Variants in VPS9D1 observed in about 807,000 individuals in gnomAD.
VPS9D1 encodes the protein VPS9 domain containing 1, also known as VPS9 domain-containing protein 1.
A neutral mutation model predicts 75.8 loss-of-function variants in VPS9D1; 78 were observed. That is an observed-to-expected ratio of 1.03 (90% CI 0.86 to 1.24). VPS9D1 has a LOEUF of 1.24. Among genes scored for constraint, VPS9D1 ranks in the 50% most tolerant of loss-of-function variants. The pLI is 0.00. For synonymous variants in VPS9D1, 481 were observed against 385.6 expected, an observed-to-expected ratio of 1.25 and a Z score of -2.90; for missense variants, 1,057 against 847.7, an observed-to-expected ratio of 1.25 and a Z score of -3.07.
intron 13 of VPS9D1, 24 bp from the exon 14 acceptor site, chr16:89,708,555 T>C (rs1174759457): frequency 1.9e-6 from 3 of 1,604,838 alleles, no homozygotes; most frequent in Admixed American, 1.7e-5. Context: ...ATAGCGGCCT[T>C]GGGTTGGGGC....
intron 1 of VPS9D1, 62 bp downstream of exon 1, chr16:89,720,701 C>T: frequency 1.5e-6 from 2 of 1,329,756 alleles, no homozygotes; most frequent in South Asian, 1.9e-5. Context: ...TCGCCCTCCC[C>T]GGGCGGGGGT....
chr16:89,708,783 G>T, intron 13 of VPS9D1, 74 bp downstream of exon 13: 3 of 1,408,830 alleles, frequency 2.1e-6, no homozygotes, highest in Non-Finnish European at 2.9e-6. Context: ...GGGGCAGGAA[G>T]ATAGTCCCTC....
rs2060871487 is a variant in VPS9D1, at chr16:89,709,708, G to C, written c.1388+69C>G. 3 of 1,605,948 alleles carry C rather than the reference G, an allele frequency of 1.9e-6. No individual in the cohort carries two copies. The South Asian group carries it at 3.3e-5, about 18-fold the overall frequency. On this transcript the variant is annotated intron_variant, in intron 11 of 14. Transcript: ENST00000389386. ...GGAGCAGACAGTGCCAGGGAGCAGG[G>C]CAGGCCTCCTGGGGGACTGGGCTGG... is the stretch of plus-strand genomic sequence containing the variant.
Position 89,707,754 on chromosome 16 carries a change from C to T in VPS9D1, c.*107G>A, listed in dbSNP as rs1225578356. The stretch of plus-strand genomic sequence containing the variant: ...CAAGCCCCCACCATGTGCAGAGCAG[C>T]GTGAGGCTCCAGGATGGTCCTCAGT... On this transcript the variant is annotated 3_prime_UTR_variant, in exon 15 of 15. Transcript: ENST00000389386. The T allele has an allele frequency of 2.1e-6, 2 of 963,902 alleles. No individual in the cohort carries two copies. Among genetic ancestry groups the T allele is most frequent in the Non-Finnish European group, 1.6e-6 (1 of 621,574 alleles). The allele number at this position is 963,902 out of a possible 1,614,324, so 59.7% of individuals were successfully genotyped here.
At chr16:89,707,991 C>T (rs766168335) in intron 14 of VPS9D1, 37 bp from the exon 15 acceptor site, 55 of 1,597,220 alleles carry the variant, frequency 3.4e-5, no homozygotes, top group East Asian at 1.6e-4. Flanking sequence ...GTCATCTGAA[C>T]GAACAGAAGG....
At chr16:89,715,225 ATTTTT>A (rs56372825) in intron 4 of VPS9D1, among the ~76,000 whole-genome samples, 4 of 113,654 alleles carry the variant, frequency 3.5e-5, no homozygotes, top group African/African-American at 6.4e-5. Context: ...TCCCAGCTAA[ATTTTT>A]TTTTTTTTTT....
chr16:89,715,966 C>T (rs2061056384), intron 4 of VPS9D1, among the ~76,000 whole-genome samples: 2 of 152,134 alleles, frequency 1.3e-5, no homozygotes, highest in South Asian at 4.1e-4. Context: ...CGTGAGCCAC[C>T]AGGCCGCCTG....
rs1597949938 is a variant in VPS9D1, at chr16:89,720,771, G to T, written c.91C>A (p.Arg31=). The T allele has an allele frequency of 6.9e-7, 1 of 1,451,512 alleles. No homozygotes were observed. The highest frequency in any genetic ancestry group is 9.1e-7 in the Non-Finnish European group (1 of 1,098,362). The allele number at this position is 1,451,512 out of a possible 1,614,324, so 89.9% of individuals were successfully genotyped here. A position where few individuals can be genotyped will look rare whatever the true frequency, so the allele number is the denominator to read the frequency against. ...CCCCCGCCCCGCCTCACCCGGGGCCGGTTGCCGGTGTCCAGCTCGATGGCC... is the reference window on the plus strand; with the variant it reads ...CCCCCGCCCCGCCTCACCCGGGGCCTGTTGCCGGTGTCCAGCTCGATGGCC... The part of the protein sequence containing the change: ...NGAIELDTGN[R]PREAYTEYLR... Residue 31 remains arginine (R), a synonymous_variant, in exon 1 of 15, where the codon CGG becomes AGG. Coordinates refer to ENST00000389386, the MANE Select transcript of VPS9D1 (RefSeq NM_004913.3).
intron 12 of VPS9D1, 69 bp from the exon 13 acceptor site, chr16:89,709,025 G>GCCGCCC: frequency 1.6e-6 from 1 of 627,190 alleles, no homozygotes; most frequent in South Asian, 3.0e-5. Flanking sequence ...CTTATACCCC[G>GCCGCCC]CCCACCCACC....
rs985111106 is a variant in VPS9D1, at chr16:89,710,963, G to A, written c.881C>T (p.Ser294Phe). 1.5e-5 allele frequency: 22 copies of A among 1,450,826 alleles called. No individual in the cohort carries two copies. The highest frequency in any genetic ancestry group is 4.6e-4 in the Middle Eastern group (2 of 4,304). The allele number at this position is 1,450,826 out of a possible 1,614,324, so 89.9% of individuals were successfully genotyped here. ...GGCGGGATACAGGGCGCTGTACACG[G>A]AGCACTGCAGCCGCCTCAGGAGCTG... ...IAQLLRRLQCSVYSALYPAVS... is the reference protein window; with the variant it reads ...IAQLLRRLQCFVYSALYPAVS... The change falls in exon 10 of 15, where the codon TCC becomes TTC. Residue 294 changes from serine (S) to phenylalanine (F), a missense_variant. Ser to Phe is a radical substitution (Grantham distance 155, BLOSUM62 -2). Transcript: ENST00000389386.
intron 4 of VPS9D1, among the ~76,000 whole-genome samples, chr16:89,716,211 A>G (rs1316441556): frequency 6.6e-6 from 1 of 151,880 alleles, no homozygotes; most frequent in African/African-American, 2.4e-5. Flanking sequence ...CTAAAAATAC[A>G]AAAAATTAGC....
intron 4 of VPS9D1, among the ~76,000 whole-genome samples, chr16:89,714,119 G>T (rs1202589356): frequency 1.3e-5 from 2 of 151,976 alleles, no homozygotes; most frequent in Non-Finnish European, 2.9e-5. Flanking sequence ...GTATTTTTTA[G>T]TAGAGATGGG....
intron 2 of VPS9D1, chr16:89,717,331 C>T (rs577752204): frequency 2.9e-6 from 1 of 350,544 alleles, no homozygotes; most frequent in East Asian, 7.6e-5. Context: ...CTCAGCTTCA[C>T]TTGCAACTGC....
At chr16:89,711,049 G>A (rs1156239038) in intron 9 of VPS9D1, 39 bp from the exon 10 acceptor site, 3 of 1,431,188 alleles carry the variant, frequency 2.1e-6, no homozygotes, top group Non-Finnish European at 1.8e-6. Context: ...GCCAGCCTCG[G>A]CCTCTCCGTG....
At chr16:89,715,078 T>C (rs971132144) in intron 4 of VPS9D1, among the ~76,000 whole-genome samples, 1 of 152,186 alleles carries the variant, frequency 6.6e-6, no homozygotes, top group Non-Finnish European at 1.5e-5. Context: ...CTGTAATTCA[T>C]TCTAGCTATC....
chr16:89,708,993 C>T (rs938009986), intron 12 of VPS9D1, 37 bp from the exon 13 acceptor site: 20 of 1,552,796 alleles, frequency 1.3e-5, no homozygotes, highest in East Asian at 7.3e-5. Context: ...CAGTTAACCC[C>T]GTCCAGCAGC....
Position 89,710,881 on chromosome 16 carries a change from TC to T in VPS9D1, c.962del (p.Gly321GlufsTer88), listed in dbSNP as rs2060900310. The T allele has an allele frequency of 4.0e-6, 6 of 1,494,136 alleles. No homozygotes were observed. The Admixed American group carries it at 8.8e-5, about 22-fold the overall frequency. The allele number at this position is 1,494,136 out of a possible 1,614,324, so 92.6% of individuals were successfully genotyped here. On this transcript the variant is annotated frameshift_variant, in exon 10 of 15. Transcript: ENST00000389386. LOFTEE classifies it high-confidence loss of function. Reference sequence around the variant, plus strand: ...TCTGCGAGGGCCGCAGCCGTCGGCTTCCGGGGTTGGGGGTCGGGGGGCAGCA... The same window carrying T: ...TCTGCGAGGGCCGCAGCCGTCGGCTTCGGGGTTGGGGGTCGGGGGGCAGCA... ...PGCCPPTPNP[G>X]SRRLRPSQSL...
rs1383123256 is a variant in VPS9D1, at chr16:89,709,317, C to T, written c.1507G>A (p.Gly503Arg). ...GCGCAGTAGGGGTAGCCAGTGGCCCCCTTGGCCTCAGGGTTCTGGGGGAGG... is the reference window on the plus strand; with the variant it reads ...GCGCAGTAGGGGTAGCCAGTGGCCCTCTTGGCCTCAGGGTTCTGGGGGAGG... Reference protein sequence around the residue: ...KLLPQNPEAKGATGYPYCAAA... With the variant: ...KLLPQNPEAKRATGYPYCAAA... The change falls in exon 12 of 15, where the codon GGG (glycine) becomes AGG (arginine). Residue 503 changes from glycine (G) to arginine (R), a missense_variant. Physicochemically the swap from Gly to Arg is moderately radical, Grantham distance 125. Coordinates refer to ENST00000389386, the MANE Select transcript of VPS9D1 (RefSeq NM_004913.3). 1 of 1,604,956 alleles carries T rather than the reference C, an allele frequency of 6.2e-7. No individual in the cohort carries two copies. Among genetic ancestry groups the T allele is most frequent in the African/African-American group, 1.3e-5 (1 of 74,748 alleles).
In VPS9D1 at chr16:89,709,769, G is replaced by A. The variant is rs1359498898; in HGVS notation, c.1388+8C>T. 4 of 1,613,442 alleles carry A rather than the reference G, an allele frequency of 2.5e-6. No homozygotes were observed. Among genetic ancestry groups the A allele is most frequent in the Non-Finnish European group, 3.4e-6 (4 of 1,179,946 alleles). ...GCCACGCAGGTGGTTGTACAGCTGG[G>A]TCCATACCTGTACAGGGCCAGCAGC... On this transcript the variant is annotated splice_region_variant and intron_variant, in intron 11 of 14. Coordinates refer to ENST00000389386, the MANE Select transcript of VPS9D1 (RefSeq NM_004913.3).
Sources: gnomAD v4.1 joint callset for allele counts (sites outside exome capture counted in the v4.1 genomes callset) on GRCh38, gnomAD v4.1.1 for gene constraint, MANE v1.5 for transcripts, NCBI Gene and HGNC (gene_info 2026-07-23, HGNC 2026-07-21) for gene names.